The following NLRP4 variants were observed in gnomAD, a reference collection of about 807,000 sequenced individuals.
The protein encoded by NLRP4 is NACHT, LRR and PYD domains-containing protein 4.
In NLRP4, 44 loss-of-function variants were observed where a neutral mutation model predicts 84.7. The ratio of observed to expected loss-of-function variants is 0.52; its 90% CI spans 0.41 to 0.67. The LOEUF is 0.67. NLRP4 is among the 30% of genes least tolerant of loss of function. NLRP4 has a pLI of 0.00. For synonymous variants in NLRP4, 544 were observed against 476.4 expected (o/e 1.14, Z -1.85); for missense variants, 1,260 against 1,219.4 (o/e 1.03, Z -0.50).
At chr19:55,837,455 T>G (rs1983388854) in intron 1 of NLRP4, among the ~76,000 whole-genome samples, 1 of 152,172 alleles carries the variant, frequency 6.6e-6, no homozygotes, top group Non-Finnish European at 1.5e-5. Context: ...CAGGTGTAAC[T>G]TGGTATCCAT....
At chr19:55,869,139 A>G (rs1010330996) in intron 6 of NLRP4, among the ~76,000 whole-genome samples, 3 of 152,028 alleles carry the variant, frequency 2.0e-5, no homozygotes, top group East Asian at 3.9e-4. Flanking sequence ...AGGAAGGGGA[A>G]CCCAGATGGA....
intron 4 of NLRP4, 60 bp from the exon 5 acceptor site, chr19:55,861,926 AACACAG>A: frequency 9.4e-7 from 1 of 1,062,666 alleles, no homozygotes; most frequent in Non-Finnish European, 1.5e-6. Context: ...ATGAGAGACA[AACACAG>A]GTGTGCAGGC....
chr19:55,850,611 G>A (rs1380959293), intron 1 of NLRP4, among the ~76,000 whole-genome samples: 1 of 106,314 alleles, frequency 9.4e-6, no homozygotes, highest in Non-Finnish European at 1.7e-5. Flanking sequence ...TGTAATTTAC[G>A]AGGCTGCGGT....
intron 2 of NLRP4, among the ~76,000 whole-genome samples, chr19:55,853,579 TA>T (rs143974382): frequency 3.3e-5 from 5 of 151,548 alleles, no homozygotes; most frequent in Admixed American, 2.0e-4. Flanking sequence ...GCTAACCTTT[TA>T]AAAAAAAATT....
intron 1 of NLRP4, among the ~76,000 whole-genome samples, chr19:55,839,250 T>C (rs1273815385): frequency 6.6e-6 from 1 of 152,018 alleles, no homozygotes; most frequent in Non-Finnish European, 1.5e-5. Flanking sequence ...TGTTCCAGTG[T>C]TAATTTGCTG....
intron 5 of NLRP4, among the ~76,000 whole-genome samples, chr19:55,866,644 T>C (rs1984966414): frequency 6.6e-6 from 1 of 152,148 alleles, no homozygotes; most frequent in South Asian, 2.1e-4. Context: ...GCTTCTTCCA[T>C]GTTCTTTGAG....
intron 2 of NLRP4, 95 bp from the exon 3 acceptor site, chr19:55,857,579 A>G: frequency 8.5e-7 from 1 of 1,175,024 alleles, no homozygotes; most frequent in Non-Finnish European, 1.2e-6. Context: ...CAGTGTGTAG[A>G]CCCCTGGAAA....
At chr19:55,876,459 G>C (rs1016821184) in intron 7 of NLRP4, among the ~76,000 whole-genome samples, 1 of 152,076 alleles carries the variant, frequency 6.6e-6, no homozygotes, top group African/African-American at 2.4e-5. Flanking sequence ...AGTGATTCTT[G>C]TGCCTCAACC....
chr19:55,861,068 G>A (rs1424110167), intron 3 of NLRP4, among the ~76,000 whole-genome samples: 1 of 152,066 alleles, frequency 6.6e-6, no homozygotes, highest in East Asian at 1.9e-4. Context: ...TTACAGTGGG[G>A]GGCTCTCCTG....
At position 55,851,367 on chromosome 19, in the gene NLRP4, G is replaced by T. The variant is rs868368394; in HGVS notation, c.-65-649G>T. On this transcript the variant is annotated intron_variant, in intron 1 of 9. Coordinates refer to ENST00000301295, the MANE Select transcript of NLRP4 (RefSeq NM_134444.5). ...GTAATGTCCGTGGCTGCGGTGTAAT[G>T]TCCGAGGCTGCGGTGTAATGTCCGA... Among the ~76,000 whole-genome samples the T allele has an allele frequency of 8.7e-4, 63 of 72,616 alleles. 1 individual carries two copies. The highest frequency in any genetic ancestry group is 1.2e-3 in the Non-Finnish European group (53 of 44,392). 47.6% of individuals were successfully genotyped at this position (72,616 alleles called of 152,430 possible).
rs202229523 is a variant in NLRP4, at chr19:55,849,998, C to T, written c.-65-2018C>T. On this transcript the variant is annotated intron_variant, in intron 1 of 9. Coordinates refer to ENST00000301295, the MANE Select transcript of NLRP4 (RefSeq NM_134444.5). ...AGCTGCGGTGTAATTTCCGAGACTGCGGTGTGATTTCCGAGACTGCGGTGT... is the reference window on the plus strand; with the variant it reads ...AGCTGCGGTGTAATTTCCGAGACTGTGGTGTGATTTCCGAGACTGCGGTGT... Among the ~76,000 whole-genome samples the T allele has an allele frequency of 1.3e-3, 40 of 30,414 alleles. 1 individual carries two copies. Among genetic ancestry groups the T allele is most frequent in the East Asian group, 4.2e-3 (4 of 952 alleles). 20.0% of individuals were successfully genotyped at this position (30,414 alleles called of 152,430 possible). A position where few individuals can be genotyped will look rare whatever the true frequency, so the allele number is the denominator to read the frequency against.
intron 1 of NLRP4, among the ~76,000 whole-genome samples, chr19:55,850,852 A>T (rs1295050042): frequency 8.9e-5 from 6 of 67,282 alleles, no homozygotes; most frequent in African/African-American, 6.6e-4. Flanking sequence ...GTAATTTACG[A>T]GGCTGCGGTG....
At chr19:55,860,865 C>T (rs1709180574) in intron 3 of NLRP4, among the ~76,000 whole-genome samples, 1 of 152,134 alleles carries the variant, frequency 6.6e-6, no homozygotes, top group Non-Finnish European at 1.5e-5. Context: ...ATTATCCCAG[C>T]TACTCAGGAG....
At chr19:55,844,418 C>T (rs1426380277) in intron 1 of NLRP4, among the ~76,000 whole-genome samples, 3 of 152,128 alleles carry the variant, frequency 2.0e-5, no homozygotes. Flanking sequence ...GCTGGGAAGA[C>T]AGGCACATAC....
At chr19:55,851,298 C>T (rs1190636404) in intron 1 of NLRP4, among the ~76,000 whole-genome samples, 23 of 54,128 alleles carry the variant, frequency 4.2e-4, no homozygotes, top group East Asian at 2.0e-3. Flanking sequence ...TCCGTGGCTG[C>T]GGTGTAATGT....
intron 8 of NLRP4, 57 bp downstream of exon 8, chr19:55,877,223 A>G: frequency 6.7e-7 from 1 of 1,502,688 alleles, no homozygotes; most frequent in Non-Finnish European, 9.2e-7. Context: ...CGGAAAATGG[A>G]TGGGAAGAAA....
intron 2 of NLRP4, 57 bp from the exon 3 acceptor site, chr19:55,857,617 A>C: frequency 6.6e-7 from 1 of 1,524,788 alleles, no homozygotes; most frequent in Non-Finnish European, 9.0e-7. Flanking sequence ...AAAAAAGAAT[A>C]TATGCAGGAA....
At chr19:55,867,898 C>T in intron 6 of NLRP4, 22 bp downstream of exon 6, 1 of 1,610,078 alleles carries the variant, frequency 6.2e-7, no homozygotes, top group Non-Finnish European at 8.5e-7. Flanking sequence ...TTGGGGGTGC[C>T]TACTGTGGAG....
chr19:55,854,276 T>C (rs891018544), intron 2 of NLRP4, among the ~76,000 whole-genome samples: 1 of 152,174 alleles, frequency 6.6e-6, no homozygotes, highest in African/African-American at 2.4e-5. Flanking sequence ...CTGGCCTTGA[T>C]TTCTTAAATT....
Sources: gnomAD v4.1 joint callset for allele counts (sites outside exome capture counted in the v4.1 genomes callset) on GRCh38, gnomAD v4.1.1 for gene constraint, MANE v1.5 for transcripts, NCBI Gene and HGNC (gene_info 2026-07-23, HGNC 2026-07-21) for gene names.